EBF4: variants seen among roughly 807,000 people sequenced by gnomAD.
The protein encoded by EBF4 is EBF transcription factor 4.
A neutral mutation model predicts 67.1 loss-of-function variants in EBF4; 34 were observed. That is an observed-to-expected ratio of 0.51 (90% CI 0.39 to 0.67). The LOEUF is 0.67. EBF4 is among the 30% of genes least tolerant of loss of function. EBF4 has a pLI of 0.00. For missense variants in EBF4, 837 were observed against 873.3 expected (o/e 0.96, Z 0.52); for synonymous variants, 387 against 377.7 (o/e 1.02, Z -0.29).
At chr20:2,709,793 C>T (rs1674632715) in intron 6 of EBF4, among the ~76,000 whole-genome samples, 151 bp downstream of exon 6, 1 of 152,136 alleles carries the variant, frequency 6.6e-6, no homozygotes, top group Non-Finnish European at 1.5e-5. Context: ...GGGAAACTGC[C>T]AGGCACCAGG....
intron 1 of EBF4, among the ~76,000 whole-genome samples, chr20:2,698,263 C>T (rs79618844): frequency 0.011 from 1,643 of 152,340 alleles, 24 homozygotes; most frequent in East Asian, 0.048. Flanking sequence ...AGGGACCCTC[C>T]CCAGACCCAA....
chr20:2,742,825 G>A (rs915399726), intron 6 of EBF4, among the ~76,000 whole-genome samples: 14 of 152,144 alleles, frequency 9.2e-5, no homozygotes, highest in African/African-American at 3.4e-4. Context: ...TAGAGGTGGG[G>A]GGTGGTTCCA....
At chr20:2,752,241 C>T (rs978454130) in exon 13 of EBF4, 2 of 1,314,384 alleles carry the variant, frequency 1.5e-6, no homozygotes, top group South Asian at 2.1e-5. Context: ...CCGTCGGGGA[C>T]GCCACCCCGG....
exon 9 of EBF4, chr20:2,749,692 T>G (rs1222832580): frequency 6.4e-7 from 1 of 1,564,362 alleles, no homozygotes; most frequent in Non-Finnish European, 8.7e-7. Flanking sequence ...GTCATTGTCA[T>G]CGGCGACAAC....
intron 16 of EBF4, 22 bp downstream of exon 16, chr20:2,759,006 G>T (rs1242769499): frequency 3.2e-6 from 5 of 1,547,418 alleles, no homozygotes; most frequent in Non-Finnish European, 4.4e-6. Context: ...GCTGGGTCTG[G>T]CCTCCCCCGC....
intron 6 of EBF4, among the ~76,000 whole-genome samples, chr20:2,720,602 T>C (rs1214309155): frequency 6.6e-6 from 1 of 152,254 alleles, no homozygotes; most frequent in Non-Finnish European, 1.5e-5. Context: ...TCTTGTATTG[T>C]ATGCTATTAC....
Position 2,736,794 on chromosome 20 carries a change from G to A in EBF4, c.558-11755G>A, listed in dbSNP as rs138974364. On this transcript the variant is annotated intron_variant, in intron 6 of 16. Coordinates refer to ENST00000609451, the Ensembl canonical transcript of EBF4. The stretch of plus-strand genomic sequence containing the variant: ...CAAGAGAGATTCGCTCATGTGCTCC[G>A]AAGGTCATATAGGCTGAGATGCCAG... 5.2e-4 allele frequency among the ~76,000 whole-genome samples: 79 copies of A among 151,898 alleles called. 1 individual carries two copies. The East Asian group carries it at 0.012, about 24-fold the overall frequency.
chr20:2,726,499 C>A (rs2087747868), intron 6 of EBF4, among the ~76,000 whole-genome samples: 1 of 151,464 alleles, frequency 6.6e-6, no homozygotes, highest in South Asian at 2.1e-4. Context: ...GAGGATCACT[C>A]GAACCCAGGA....
rs1220885776 is a variant in EBF4, at chr20:2,755,915, C to G, written c.1738+91C>G. 1 of 1,250,230 alleles carries G rather than the reference C, an allele frequency of 8.0e-7. No homozygotes were observed. Among genetic ancestry groups the G allele is most frequent in the Non-Finnish European group, 1.1e-6 (1 of 916,126 alleles). 77.4% of individuals were successfully genotyped at this position (1,250,230 alleles called of 1,614,324 possible). ...GGGGCCTGCTCTGTCCACATCTCAC[C>G]AGTGCCTCATGCTGGCTAACCTGCT... On this transcript the variant is annotated intron_variant, in intron 15 of 16. Coordinates refer to ENST00000609451, the Ensembl canonical transcript of EBF4. The surrounding 1 kb of genome is among the most constrained non-coding windows in gnomAD (Gnocchi z 4.7).
chr20:2,735,639 G>C (rs2087867224), intron 6 of EBF4, among the ~76,000 whole-genome samples: 5 of 152,134 alleles, frequency 3.3e-5, no homozygotes, highest in Admixed American at 3.3e-4. Flanking sequence ...TGCCTTGGGG[G>C]CTTTAGTCCA....
At chr20:2,702,621 C>G (rs1215244260) in intron 1 of EBF4, among the ~76,000 whole-genome samples, 1 of 152,182 alleles carries the variant, frequency 6.6e-6, no homozygotes, top group East Asian at 1.9e-4. Context: ...AATAGCAAGT[C>G]CCTCATGCCC....
chr20:2,703,551 C>A (rs2087407411), intron 1 of EBF4, among the ~76,000 whole-genome samples: 1 of 151,968 alleles, frequency 6.6e-6, no homozygotes, highest in South Asian at 2.1e-4. Flanking sequence ...TGTAGTCACA[C>A]CTACTTGGAG....
intron 5 of EBF4, 73 bp from the exon 6 acceptor site, chr20:2,709,501 C>T: frequency 7.0e-7 from 1 of 1,428,306 alleles, no homozygotes; most frequent in Non-Finnish European, 9.4e-7. Flanking sequence ...GGGCGCCCCC[C>T]ACAACTCACA....
chr20:2,740,338 T>C (rs1038360270), intron 6 of EBF4, among the ~76,000 whole-genome samples: 4 of 152,214 alleles, frequency 2.6e-5, no homozygotes, highest in African/African-American at 9.6e-5. Context: ...TTATGTTAAT[T>C]AAAATGAAAT....
intron 6 of EBF4, among the ~76,000 whole-genome samples, chr20:2,732,517 A>T (rs1011962110): frequency 1.5e-4 from 23 of 152,334 alleles, no homozygotes; most frequent in African/African-American, 2.4e-4. Flanking sequence ...CATAATTTTT[A>T]TCTTAGTGTC....
chr20:2,723,562 G>A lies in EBF4; in HGVS notation c.557+13920G>A, dbSNP rs558989633. Among the ~76,000 whole-genome samples the A allele has an allele frequency of 4.6e-5, 7 of 152,106 alleles. No homozygotes were observed. The South Asian group carries it at 1.5e-3, about 32-fold the overall frequency. On this transcript the variant is annotated intron_variant, in intron 6 of 16. Coordinates refer to ENST00000609451, the Ensembl canonical transcript of EBF4. ...GACGGGGTTTCACCGTGTTAGCCAG[G>A]ATGGTCTCCATCTCCTGACCTCGTG...
intron 6 of EBF4, among the ~76,000 whole-genome samples, chr20:2,715,992 G>A (rs892226166): frequency 1.3e-5 from 2 of 151,838 alleles, no homozygotes; most frequent in African/African-American, 2.4e-5. Flanking sequence ...CAAGTGGTCT[G>A]CCTGCCTTGG....
chr20:2,748,438 G>T, intron 6 of EBF4, 111 bp from the exon 7 acceptor site: 2 of 977,292 alleles, frequency 2.0e-6, no homozygotes, highest in South Asian at 1.6e-5. Flanking sequence ...CTGAGTGGGA[G>T]CAGGCAGAGG....
chr20:2,755,749 G>T lies in EBF4; in HGVS notation c.1663G>T (p.Ala555Ser), dbSNP rs369331115. 5.2e-6 allele frequency: 8 copies of T among 1,550,620 alleles called. No individual in the cohort carries two copies. The highest frequency in any genetic ancestry group is 2.0e-5 in the Admixed American group (1 of 50,954). The stretch of plus-strand genomic sequence containing the variant: ...GATCTCCGCCGTCAAACAGAGGAGC[G>T]CCTTCGCCCCCGTGCTGCGCCCCCC... Residue 555 changes from alanine to serine, a missense_variant, in exon 15 of 17, where the codon GCC becomes TCC. This residue lies in a region of EBF4 where 525 missense variants were observed against 496.5 expected (regional missense o/e 1.06). Transcript: ENST00000609451. The surrounding 1 kb of genome is among the most constrained non-coding windows in gnomAD (Gnocchi z 4.7).
Sources: allele counts gnomAD v4.1 joint callset (sites outside exome capture counted in the v4.1 genomes callset), GRCh38; gene constraint gnomAD v4.1.1; regional missense constraint gnomAD v4.1.1; non-coding constraint Gnocchi (gnomAD v3.1); transcripts MANE v1.5; gene names NCBI Gene and HGNC (gene_info 2026-07-23, HGNC 2026-07-21).